Variants in NPTXR observed in about 807,000 individuals in gnomAD.
NPTXR encodes the protein neuronal pentraxin receptor.
In NPTXR, 12 loss-of-function variants were observed where a neutral mutation model predicts 32.2. The observed-to-expected ratio is 0.37, with a 90% CI of 0.24 to 0.60. The LOEUF is 0.60. Ranked by LOEUF, NPTXR falls within the 20% of genes least tolerant of loss-of-function variation. NPTXR has a pLI of 0.66. For missense variants in NPTXR, 612 were observed against 682.9 expected (o/e 0.90, Z 1.16); for synonymous variants, 323 against 315.8 (o/e 1.02, Z -0.24).
At position 38,818,875 on chromosome 22, in the gene NPTXR, G is replaced by T. The variant is rs568874641; in HGVS notation, c.*3734C>A. 1.2e-3 allele frequency: 178 copies of T among 152,720 alleles called. No individual in the cohort carries two copies. The highest frequency in any genetic ancestry group is 6.8e-3 in the Middle Eastern group (2 of 296). 9.5% of individuals were successfully genotyped at this position (152,720 alleles called of 1,614,324 possible). A position where few individuals can be genotyped will look rare whatever the true frequency, so the allele number is the denominator to read the frequency against. ...GTGCTGGGACACACAAAGGAGGGGG[G>T]ACTCAGTGCTGGGGAGAGGCTGCTG... On this transcript the variant is annotated 3_prime_UTR_variant, in exon 5 of 5. Coordinates refer to ENST00000333039, the MANE Select transcript of NPTXR (RefSeq NM_014293.4). This position sits in a 1 kb window ranked among gnomAD's most constrained non-coding sequence, Gnocchi z 4.5.
chr22:38,835,799 C>T (rs1281170164), intron 1 of NPTXR, among the ~76,000 whole-genome samples: 1 of 152,154 alleles, frequency 6.6e-6, no homozygotes, highest in African/African-American at 2.4e-5. Flanking sequence ...CCTCTCTGAG[C>T]CTCAGCTTCC....
rs1470347328 is a variant in NPTXR at position 38,819,344 on chromosome 22, C to T, written c.*3265G>A. The T allele has an allele frequency of 6.6e-6, 1 of 152,426 alleles. No individual in the cohort carries two copies. The highest frequency in any genetic ancestry group is 1.5e-5 in the Non-Finnish European group (1 of 68,178). 9.4% of individuals were successfully genotyped at this position (152,426 alleles called of 1,614,324 possible). On this transcript the variant is annotated 3_prime_UTR_variant, in exon 5 of 5. Transcript: ENST00000333039. ...GCCCATGGTGGGAGGGACACATTCC[C>T]TGAAGCAGCTGAGCCCCCTGGCACG...
At chr22:38,823,881 C>A (rs1378855391) in intron 3 of NPTXR, among the ~76,000 whole-genome samples, 2 of 152,216 alleles carry the variant, frequency 1.3e-5, no homozygotes, top group East Asian at 3.8e-4. Flanking sequence ...TGGAAAGCCA[C>A]TGCTGATGGG....
intron 1 of NPTXR, among the ~76,000 whole-genome samples, chr22:38,835,954 C>T (rs1016407773): frequency 1.3e-5 from 2 of 152,314 alleles, no homozygotes; most frequent in East Asian, 1.9e-4. Context: ...GGCACCCCAC[C>T]TTCTTCACTC....
intron 1 of NPTXR, among the ~76,000 whole-genome samples, chr22:38,839,328 G>C (rs1265923361): frequency 6.6e-6 from 1 of 152,256 alleles, no homozygotes; most frequent in Non-Finnish European, 1.5e-5. Context: ...CTCTTGGAAA[G>C]TGGCTCCTGG....
chr22:38,833,930 T>C (rs1243178842), intron 1 of NPTXR, among the ~76,000 whole-genome samples: 1 of 152,166 alleles, frequency 6.6e-6, no homozygotes, highest in African/African-American at 2.4e-5. Flanking sequence ...GATCAGCTGA[T>C]TGGAAACGTT....
intron 1 of NPTXR, among the ~76,000 whole-genome samples, chr22:38,835,938 C>T (rs998471845): frequency 5.9e-5 from 9 of 152,168 alleles, no homozygotes; most frequent in African/African-American, 1.7e-4. Flanking sequence ...GCCCCCCCGC[C>T]GCCCCGGCAC....
chr22:38,840,395 G>A (rs1185133882), intron 1 of NPTXR, among the ~76,000 whole-genome samples: 1 of 152,112 alleles, frequency 6.6e-6, no homozygotes, highest in Non-Finnish European at 1.5e-5. Context: ...GGTAGCCTAG[G>A]AGCAGGCCGA....
Position 38,834,231 on chromosome 22 carries a change from C to T in NPTXR, c.625-5719G>A, listed in dbSNP as rs1049519624. On this transcript the variant is annotated intron_variant, in intron 1 of 4. Coordinates refer to ENST00000333039, the MANE Select transcript of NPTXR (RefSeq NM_014293.4). The surrounding 1 kb of genome is among the most constrained non-coding windows in gnomAD (Gnocchi z 4.4). ...GCTTCCACTCCCACCCTCCACACAG[C>T]GGCCAGAGGCAAATCCAGCCATGTT... 5.3e-5 allele frequency among the ~76,000 whole-genome samples: 8 copies of T among 152,100 alleles called. No individual in the cohort carries two copies. Among genetic ancestry groups the T allele is most frequent in the African/African-American group, 1.2e-4 (5 of 41,418 alleles).
intron 2 of NPTXR, among the ~76,000 whole-genome samples, chr22:38,827,134 C>T (rs1410485024): frequency 3.3e-5 from 5 of 152,178 alleles, no homozygotes; most frequent in Non-Finnish European, 1.5e-5. Context: ...AGCTGTGCCC[C>T]TGCGATGGCC....
intron 1 of NPTXR, among the ~76,000 whole-genome samples, chr22:38,829,875 T>C (rs993922269): frequency 3.3e-5 from 5 of 152,218 alleles, no homozygotes; most frequent in African/African-American, 4.8e-5. Flanking sequence ...GGGACAAGTA[T>C]AGAATCCCCT....
Position 38,826,734 on chromosome 22 carries a change from G to A in NPTXR, c.864C>T (p.Tyr288=). 1.9e-6 allele frequency: 3 copies of A among 1,613,560 alleles called. No homozygotes were observed. The highest frequency in any genetic ancestry group is 2.2e-5 in the East Asian group (1 of 44,880). ...TGATCTTGAAGGCATCTGGAGGACT[G>A]TAGGCTGAGGACCCTGAGGGTGGGC... The change falls in exon 3 of 5, where the codon TAC becomes TAT. Residue 288 remains tyrosine (Y), a synonymous_variant. Coordinates refer to ENST00000333039, the MANE Select transcript of NPTXR (RefSeq NM_014293.4).
At chr22:38,832,510 G>A (rs1266391652) in intron 1 of NPTXR, among the ~76,000 whole-genome samples, 1 of 152,196 alleles carries the variant, frequency 6.6e-6, no homozygotes, top group Non-Finnish European at 1.5e-5. Flanking sequence ...TAATGTGCTG[G>A]GCTCATTAGC....
intron 2 of NPTXR, 139 bp downstream of exon 2, chr22:38,828,148 T>C: frequency 1.5e-6 from 1 of 657,454 alleles, no homozygotes; most frequent in South Asian, 1.8e-5. Context: ...CCAATGATTC[T>C]CTCCACTGTG....
chr22:38,827,921 T>C (rs995541454), intron 2 of NPTXR, among the ~76,000 whole-genome samples: 6 of 152,178 alleles, frequency 3.9e-5, no homozygotes, highest in Non-Finnish European at 7.4e-5. Context: ...GTTAAATGTA[T>C]GGTTGTGGAG....
At chr22:38,833,442 C>G (rs1000313120) in intron 1 of NPTXR, among the ~76,000 whole-genome samples, 6 of 152,216 alleles carry the variant, frequency 3.9e-5, no homozygotes, top group African/African-American at 1.4e-4. Context: ...AGTTCTGAGT[C>G]CTGCTAGGGC....
Position 38,826,562 on chromosome 22 carries a change from C to T in NPTXR, c.1036G>A (p.Ala346Thr). The T allele has an allele frequency of 1.2e-6, 2 of 1,614,182 alleles. No individual in the cohort carries two copies. The highest frequency in any genetic ancestry group is 1.7e-6 in the Non-Finnish European group (2 of 1,180,020). Residue 346 changes from alanine (A) to threonine (T), a missense_variant, in exon 3 of 5, where the codon GCC (alanine) becomes ACC (threonine). Transcript: ENST00000333039. ...GCCTCTAGCAGTACAATCTCGTTGG[C>T]CTGCCCGGGCACTGAGTAGGAGAAG...
chr22:38,828,609 G>A, intron 1 of NPTXR, 97 bp from the exon 2 acceptor site: 1 of 947,122 alleles, frequency 1.1e-6, no homozygotes, highest in Non-Finnish European at 1.6e-6. Flanking sequence ...GACCCCAGGG[G>A]AGCCTCAGCT....
chr22:38,825,657 G>A (rs1032280641), intron 3 of NPTXR, among the ~76,000 whole-genome samples: 4 of 152,140 alleles, frequency 2.6e-5, no homozygotes, highest in Admixed American at 2.6e-4. Context: ...TGGTGAAGAT[G>A]CAGAACCAAG....
Sources: allele counts gnomAD v4.1 joint callset (sites outside exome capture counted in the v4.1 genomes callset), GRCh38; gene constraint gnomAD v4.1.1; non-coding constraint Gnocchi (gnomAD v3.1); transcripts MANE v1.5; gene names NCBI Gene and HGNC (gene_info 2026-07-23, HGNC 2026-07-21).